MRTFA: variants seen among roughly 807,000 people sequenced by gnomAD.
The protein encoded by MRTFA is myocardin related transcription factor A.
In MRTFA, 20 loss-of-function variants were observed where a neutral mutation model predicts 83.5. That is an observed-to-expected ratio of 0.24 (90% CI 0.17 to 0.35). The LOEUF (loss-of-function observed/expected upper bound fraction) is 0.35, where lower values mean the gene tolerates loss of function less well. MRTFA is among the 10% of genes least tolerant of loss of function. The probability of loss-of-function intolerance (pLI) is 1.00; values close to 1 mark genes in which losing one functional copy is unlikely to be tolerated. For synonymous variants in MRTFA, 659 were observed against 541.2 expected, an observed-to-expected ratio of 1.22 and a Z score of -3.02; for missense variants, 1,200 against 1,224.7, an observed-to-expected ratio of 0.98 and a Z score of 0.30.
At chr22:40,439,293 A>G in intron 4 of MRTFA, among the ~76,000 whole-genome samples, 1 of 152,134 alleles carries the variant, frequency 6.6e-6, no homozygotes, top group Non-Finnish European at 1.5e-5. Flanking sequence ...ACCTGAGGTC[A>G]GGAGTTCAAG....
chr22:40,488,186 T>C (rs1206760759), intron 3 of MRTFA, among the ~76,000 whole-genome samples: 1 of 152,174 alleles, frequency 6.6e-6, no homozygotes, highest in Non-Finnish European at 1.5e-5. Context: ...ATATAAGCTA[T>C]CTGAAGGCCT....
intron 1 of MRTFA, 128 bp from the exon 2 acceptor site, chr22:40,594,863 AGT>A (rs774909802): frequency 6.1e-5 from 9 of 148,560 alleles, no homozygotes; most frequent in Non-Finnish European, 1.3e-4. Flanking sequence ...TGCACACAAC[AGT>A]GTTAAGAGTT....
In MRTFA at chr22:40,505,072, G is replaced by T. The variant is rs184596942; in HGVS notation, c.242-41786C>A. On this transcript the variant is annotated intron_variant, in intron 3 of 14. Transcript: ENST00000355630. Reference sequence around the variant, plus strand: ...AAATAAAACAGAGCTCTATGCAATGGATACTCAATAAACATTATCAGATAC... The same window carrying T: ...AAATAAAACAGAGCTCTATGCAATGTATACTCAATAAACATTATCAGATAC... Among the ~76,000 whole-genome samples the T allele has an allele frequency of 1.4e-3, 213 of 152,212 alleles. 1 individual carries two copies. Among genetic ancestry groups the T allele is most frequent in the Non-Finnish European group, 2.5e-3 (173 of 68,010 alleles).
intron 4 of MRTFA, among the ~76,000 whole-genome samples, chr22:40,447,213 A>G (rs2053395921): frequency 6.6e-6 from 1 of 151,838 alleles, no homozygotes; most frequent in East Asian, 1.9e-4. Flanking sequence ...AAAATTAGGC[A>G]TGGTGGCGCG....
chr22:40,592,950 T>C (rs767457001), intron 2 of MRTFA, among the ~76,000 whole-genome samples: 5 of 152,168 alleles, frequency 3.3e-5, no homozygotes, highest in African/African-American at 4.8e-5. Flanking sequence ...TGTACTTTTT[T>C]ACTCCATTTG....
chr22:40,492,084 G>A (rs1369120016), intron 3 of MRTFA, among the ~76,000 whole-genome samples: 2 of 152,182 alleles, frequency 1.3e-5, no homozygotes, highest in African/African-American at 4.8e-5. Context: ...GAATCCTGCA[G>A]GTGGACTGAT....
chr22:40,478,229 T>G (rs764020002), intron 3 of MRTFA, among the ~76,000 whole-genome samples: 1 of 152,160 alleles, frequency 6.6e-6, no homozygotes, highest in African/African-American at 2.4e-5. Flanking sequence ...TTAAATGCAA[T>G]GTGGTATCCT....
chr22:40,450,374 T>C (rs1569271781), intron 4 of MRTFA, among the ~76,000 whole-genome samples: 1 of 152,136 alleles, frequency 6.6e-6, no homozygotes, highest in Non-Finnish European at 1.5e-5. Context: ...CGCTTACAAA[T>C]GACACTTCCA....
At chr22:40,457,979 T>A (rs1041000002) in intron 4 of MRTFA, among the ~76,000 whole-genome samples, 2 of 152,228 alleles carry the variant, frequency 1.3e-5, no homozygotes, top group Non-Finnish European at 2.9e-5. Flanking sequence ...AATTTTCACC[T>A]TAACCTTATG....
At chr22:40,414,149 G>A (rs1333398808) in intron 14 of MRTFA, among the ~76,000 whole-genome samples, 2 of 152,068 alleles carry the variant, frequency 1.3e-5, no homozygotes, top group African/African-American at 4.8e-5. Flanking sequence ...AACCAGCCTG[G>A]GCAACACAGT....
At chr22:40,484,941 C>T (rs921832258) in intron 3 of MRTFA, among the ~76,000 whole-genome samples, 4 of 151,928 alleles carry the variant, frequency 2.6e-5, no homozygotes, top group African/African-American at 4.8e-5. Context: ...CATGGTGGCA[C>T]GTGCCTGTAA....
intron 3 of MRTFA, among the ~76,000 whole-genome samples, chr22:40,468,096 T>C (rs185128994): frequency 2.0e-4 from 31 of 152,260 alleles, no homozygotes; most frequent in African/African-American, 7.0e-4. Flanking sequence ...ACTAGCTACT[T>C]TGGGGGTGAG....
chr22:40,473,436 G>A (rs2053946785), intron 3 of MRTFA, among the ~76,000 whole-genome samples: 1 of 152,160 alleles, frequency 6.6e-6, no homozygotes, highest in South Asian at 2.1e-4. Context: ...TGGGATTACA[G>A]GTGTGAGCCA....
intron 3 of MRTFA, among the ~76,000 whole-genome samples, chr22:40,470,255 A>T (rs1285239444): frequency 9.3e-6 from 1 of 107,350 alleles, no homozygotes; most frequent in African/African-American, 4.2e-5. Context: ...ATATATATAT[A>T]TATATATATA....
At chr22:40,586,378 C>T (rs1830300561) in intron 2 of MRTFA, among the ~76,000 whole-genome samples, 2 of 152,076 alleles carry the variant, frequency 1.3e-5, no homozygotes, top group South Asian at 4.1e-4. Flanking sequence ...ACAAAGATTA[C>T]TAAAGGAATA....
chr22:40,534,149 C>T (rs972117912), intron 3 of MRTFA, among the ~76,000 whole-genome samples: 2 of 152,182 alleles, frequency 1.3e-5, no homozygotes, highest in Admixed American at 1.3e-4. Flanking sequence ...AGATTAAACA[C>T]ATATAAACAC....
chr22:40,544,874 C>T (rs1164028928), intron 3 of MRTFA, among the ~76,000 whole-genome samples: 3 of 151,818 alleles, frequency 2.0e-5, no homozygotes, highest in East Asian at 1.9e-4. Flanking sequence ...GAGATTGAGG[C>T]CGCAGTGAGC....
At chr22:40,597,147 T>C (rs537944575) in intron 1 of MRTFA, among the ~76,000 whole-genome samples, 1 of 152,230 alleles carries the variant, frequency 6.6e-6, no homozygotes, top group Non-Finnish European at 1.5e-5. Flanking sequence ...CAACTTTGTA[T>C]CTCGCAAGAC....
chr22:40,435,260 A>G (rs1338656759), intron 5 of MRTFA, among the ~76,000 whole-genome samples: 1 of 152,228 alleles, frequency 6.6e-6, no homozygotes, highest in Non-Finnish European at 1.5e-5. Context: ...ATGTACAAAA[A>G]GAGAAACCTC....
Sources: gnomAD v4.1 joint callset for allele counts (sites outside exome capture counted in the v4.1 genomes callset) on GRCh38, gnomAD v4.1.1 for gene constraint, MANE v1.5 for transcripts, NCBI Gene and HGNC (gene_info 2026-07-23, HGNC 2026-07-21) for gene names.